DCTN3: variants seen among roughly 807,000 people sequenced by gnomAD.
DCTN3 encodes the protein dynactin subunit 3.
DCTN3 carries 25 observed loss-of-function variants against 28.4 expected under a neutral mutation model. That is an observed-to-expected ratio of 0.88 (90% confidence interval 0.64 to 1.23). DCTN3 has a LOEUF of 1.23. DCTN3 is among the 50% of genes most tolerant of loss of function. The probability of loss-of-function intolerance (pLI) is 0.00; values close to 1 mark genes in which losing one functional copy is unlikely to be tolerated. For synonymous variants in DCTN3, 81 were observed against 91.4 expected (o/e 0.89, Z 0.65); for missense variants, 229 against 232.0 (o/e 0.99, Z 0.08).
chr9:34,620,398 C>G lies in DCTN3; in HGVS notation c.67G>C (p.Gly23Arg), dbSNP rs1190312971. The change falls in exon 1 of 7, where the codon GGG becomes CGG. Residue 23 changes from glycine to arginine, a missense_variant. Physicochemically the swap from Gly to Arg is moderately radical, Grantham distance 125 (BLOSUM62 -2). Coordinates refer to ENST00000259632, the MANE Select transcript of DCTN3 (RefSeq NM_007234.5). Reference sequence around the variant, plus strand: ...CGTGAGCCGCGCGCCCCGCCCGGCCCGTACACCCAGCGCTCCAGCTCTTCC... The same window carrying G: ...CGTGAGCCGCGCGCCCCGCCCGGCCGGTACACCCAGCGCTCCAGCTCTTCC... ...RVEELERWVYGPGGARGSRKV... is the reference protein window; with the variant it reads ...RVEELERWVYRPGGARGSRKV... The G allele has an allele frequency of 1.9e-6, 3 of 1,593,534 alleles. No individual in the cohort carries two copies. Among genetic ancestry groups the G allele is most frequent in the African/African-American group, 2.7e-5 (2 of 74,596 alleles).
rs1383374988 is a variant in DCTN3, at chr9:34,613,773, G to A, written c.*9C>T. ...CTGCCCAGGCCCACTTTGGGATGGG[G>A]AGCAGCTATCACTCCTCTGCTGGCT... On this transcript the variant is annotated 3_prime_UTR_variant, in exon 7 of 7. Coordinates refer to ENST00000259632, the MANE Select transcript of DCTN3 (RefSeq NM_007234.5). 4.3e-6 allele frequency: 7 copies of A among 1,613,434 alleles called. No individual in the cohort carries two copies. In the Admixed American group the frequency reaches 6.7e-5, roughly 15 times the overall value.
chr9:34,615,886 G>A (rs1160179607), intron 4 of DCTN3, 144 bp downstream of exon 4: 1 of 570,728 alleles, frequency 1.8e-6, no homozygotes, highest in Non-Finnish European at 3.0e-6. Flanking sequence ...GGGTGACAGA[G>A]TACGACTCTG....
At chr9:34,614,251 G>A (rs1172372419) in intron 5 of DCTN3, 150 bp from the exon 6 acceptor site, 3 of 1,544,332 alleles carry the variant, frequency 1.9e-6, no homozygotes, top group Non-Finnish European at 8.7e-7. Flanking sequence ...GGCTATGGGA[G>A]CACTTTCAGG....
Position 34,620,432 on chromosome 9 carries a change from C to G in DCTN3, c.33G>C (p.Gln11His). 6.4e-7 allele frequency: 1 copy of G among 1,557,956 alleles called. No individual in the cohort carries two copies. The highest frequency in any genetic ancestry group is 8.7e-7 in the Non-Finnish European group (1 of 1,151,642). The change falls in exon 1 of 7, where the codon CAG (glutamine) becomes CAC (histidine). Residue 11 changes from glutamine to histidine, a missense_variant. Physicochemically the swap from Gln to His is conservative, Grantham distance 24 (BLOSUM62 0). Transcript: ENST00000259632. ...AGCGCTCCAGCTCTTCCACTCGGGC[C>G]TGTAGCCGCTGCAAGTCAGTCAGAC... MAGLTDLQRL[Q>H]ARVEELERWV...
At position 34,617,872 on chromosome 9, in the gene DCTN3, A is replaced by G; in HGVS notation, c.268+13T>C. On this transcript the variant is annotated intron_variant, in intron 3 of 6. Transcript: ENST00000259632. ...CATCCTCAGATGCATGTACACATGT[A>G]GTCCAGCATTACCTGCTAGGATGAA... 1 of 1,613,684 alleles carries G rather than the reference A, an allele frequency of 6.2e-7. No homozygotes were observed. The highest frequency in any genetic ancestry group is 8.5e-7 in the Non-Finnish European group (1 of 1,179,744).
chr9:34,620,375 T>G lies in DCTN3; in HGVS notation c.90A>C (p.Ser30=). ...WVYGPGGARG[S]RKVADGLVKV... The stretch of plus-strand genomic sequence containing the variant: ...ACCGGACCAGACTACTCACCTTCCG[T>G]GAGCCGCGCGCCCCGCCCGGCCCGT... The change falls in exon 1 of 7, where the codon TCA becomes TCC. Residue 30 remains serine, a synonymous_variant. Coordinates refer to ENST00000259632, the MANE Select transcript of DCTN3 (RefSeq NM_007234.5). 6.2e-7 allele frequency: 1 copy of G among 1,611,086 alleles called. No homozygotes were observed. Among genetic ancestry groups the G allele is most frequent in the Non-Finnish European group, 8.5e-7 (1 of 1,179,110 alleles).
At chr9:34,620,233 T>C in intron 1 of DCTN3, 136 bp downstream of exon 1, 2 of 801,156 alleles carry the variant, frequency 2.5e-6, no homozygotes, top group Non-Finnish European at 4.1e-6. Context: ...CAATCAGCTC[T>C]GGGAGGTCCC....
rs1820423061 is a variant in DCTN3 at position 34,616,259 on chromosome 9, G to C, written c.269-146C>G. On this transcript the variant is annotated intron_variant, in intron 3 of 6. Coordinates refer to ENST00000259632, the MANE Select transcript of DCTN3 (RefSeq NM_007234.5). This position sits in a 1 kb window ranked among gnomAD's most constrained non-coding sequence, Gnocchi z 4.7. Reference sequence around the variant, plus strand: ...ACTCTGTCCACTGCCCCCTTCTCTAGGTGCACATTTCCATCCTGCCCCCAA... The same window carrying C: ...ACTCTGTCCACTGCCCCCTTCTCTACGTGCACATTTCCATCCTGCCCCCAA... 1 of 611,744 alleles carries C rather than the reference G, an allele frequency of 1.6e-6. No individual in the cohort carries two copies. Among genetic ancestry groups the C allele is most frequent in the Admixed American group, 2.6e-5 (1 of 38,098 alleles). 37.9% of individuals were successfully genotyped at this position (611,744 alleles called of 1,614,324 possible). A position where few individuals can be genotyped will look rare whatever the true frequency, so the allele number is the denominator to read the frequency against.
At chr9:34,618,036 T>A in intron 2 of DCTN3, 65 bp from the exon 3 acceptor site, 1 of 1,530,226 alleles carries the variant, frequency 6.5e-7, no homozygotes. Flanking sequence ...TTATGAAGGA[T>A]GTTTGACAAG....
At position 34,616,236 on chromosome 9, in the gene DCTN3, T is replaced by A; in HGVS notation, c.269-123A>T. 1 of 673,624 alleles carries A rather than the reference T, an allele frequency of 1.5e-6. No individual in the cohort carries two copies. The highest frequency in any genetic ancestry group is 2.6e-6 in the Non-Finnish European group (1 of 377,552). The allele number at this position is 673,624 out of a possible 1,614,324, so 41.7% of individuals were successfully genotyped here. A position where few individuals can be genotyped will look rare whatever the true frequency, so the allele number is the denominator to read the frequency against. ...AGGTCCTAGAGCTTTGGACAGTGAC[T>A]CTGTCCACTGCCCCCTTCTCTAGGT... On this transcript the variant is annotated intron_variant, in intron 3 of 6. Coordinates refer to ENST00000259632, the MANE Select transcript of DCTN3 (RefSeq NM_007234.5). This position sits in a 1 kb window ranked among gnomAD's most constrained non-coding sequence, Gnocchi z 4.7.
chr9:34,617,082 T>C (rs1820439450), intron 3 of DCTN3, among the ~76,000 whole-genome samples: 1 of 152,104 alleles, frequency 6.6e-6, no homozygotes, highest in Non-Finnish European at 1.5e-5. Context: ...TGCAGGAGAA[T>C]ATCTAAACTT....
chr9:34,614,648 T>G, intron 5 of DCTN3, 62 bp downstream of exon 5: 2 of 1,587,922 alleles, frequency 1.3e-6, no homozygotes, highest in Non-Finnish European at 1.7e-6. Context: ...CCAGGTGGCA[T>G]GAGTTGGGAT....
In DCTN3 at chr9:34,614,067, G is replaced by A. The variant is rs1196435029; in HGVS notation, c.446C>T (p.Ala149Val). 1 of 1,613,346 alleles carries A rather than the reference G, an allele frequency of 6.2e-7. No homozygotes were observed. The highest frequency in any genetic ancestry group is 8.5e-7 in the Non-Finnish European group (1 of 1,179,504). The change falls in exon 6 of 7, where the codon GCT (alanine) becomes GTT (valine). Residue 149 changes from alanine (A) to valine (V), a missense_variant. Coordinates refer to ENST00000259632, the MANE Select transcript of DCTN3 (RefSeq NM_007234.5). ...AGTCTTGTTGTATTCCTCCAGGAGAGCCTTGGACTCCTCAGTGATTTCCAC... is the reference window on the plus strand; with the variant it reads ...AGTCTTGTTGTATTCCTCCAGGAGAACCTTGGACTCCTCAGTGATTTCCAC... ...QCVEITEESK[A>V]LLEEYNKTTM...
chr9:34,619,130 T>C (rs1268798844), intron 1 of DCTN3, among the ~76,000 whole-genome samples: 1 of 152,260 alleles, frequency 6.6e-6, no homozygotes, highest in Non-Finnish European at 1.5e-5. Flanking sequence ...CCTCTAGCCC[T>C]ATCCCCTCCA....
intron 6 of DCTN3, 43 bp downstream of exon 6, chr9:34,613,999 A>G (rs376628889): frequency 2.9e-5 from 46 of 1,605,862 alleles, no homozygotes; most frequent in Non-Finnish European, 3.7e-5. Flanking sequence ...GACAGGGCTT[A>G]GGGACAGCAC....
chr9:34,618,004 G>T, intron 2 of DCTN3, 33 bp from the exon 3 acceptor site: 1 of 1,603,312 alleles, frequency 6.2e-7, no homozygotes, highest in Non-Finnish European at 8.5e-7. Context: ...AATGGAATAG[G>T]GTTGGGCAGT....
At chr9:34,620,257 T>C in intron 1 of DCTN3, 112 bp downstream of exon 1, 1 of 960,418 alleles carries the variant, frequency 1.0e-6, no homozygotes, top group Middle Eastern at 2.5e-4. Flanking sequence ...CCTTTGTTAT[T>C]TCAAAGGCCG....
At chr9:34,618,111 TC>T in intron 2 of DCTN3, 140 bp from the exon 3 acceptor site, 1 of 717,256 alleles carries the variant, frequency 1.4e-6, no homozygotes, top group Non-Finnish European at 2.2e-6. Context: ...TGAGCAGGGC[TC>T]CACCAGGCTC....
chr9:34,618,660 T>G lies in DCTN3; in HGVS notation c.181+16A>C. 1.2e-6 allele frequency: 2 copies of G among 1,609,526 alleles called. No individual in the cohort carries two copies. The highest frequency in any genetic ancestry group is 1.7e-5 in the Admixed American group (1 of 60,018). ...GTGGGATGTCGGGCAGGCAGGCACA[T>G]CATGGAAGCACTTACTCTTTTTGTA... On this transcript the variant is annotated intron_variant, in intron 2 of 6. Coordinates refer to ENST00000259632, the MANE Select transcript of DCTN3 (RefSeq NM_007234.5).
Sources: gnomAD v4.1 joint callset for allele counts (sites outside exome capture counted in the v4.1 genomes callset) on GRCh38, gnomAD v4.1.1 for gene constraint, Gnocchi (gnomAD v3.1) non-coding constraint, MANE v1.5 for transcripts, NCBI Gene and HGNC (gene_info 2026-07-23, HGNC 2026-07-21) for gene names.